CACNG5: variants seen among roughly 807,000 people sequenced by gnomAD.
CACNG5 encodes the protein voltage-dependent calcium channel gamma-5 subunit.
Under a neutral mutation model 24.8 loss-of-function variants are expected in CACNG5, and 18 were observed. That is an observed-to-expected ratio of 0.73 (90% CI 0.50 to 1.08). CACNG5 has a LOEUF of 1.08. Among genes scored for constraint, CACNG5 ranks in the 50% least tolerant of loss-of-function variants. The probability of loss-of-function intolerance (pLI) is 0.00; values close to 1 mark genes in which losing one functional copy is unlikely to be tolerated. For synonymous variants in CACNG5, 157 were observed against 149.1 expected, an observed-to-expected ratio of 1.05 and a Z score of -0.39; for missense variants, 349 against 367.9, an observed-to-expected ratio of 0.95 and a Z score of 0.42.
At chr17:66,874,634 C>T (rs1977050696) in intron 1 of CACNG5, among the ~76,000 whole-genome samples, 1 of 152,174 alleles carries the variant, frequency 6.6e-6, no homozygotes, top group Non-Finnish European at 1.5e-5. Flanking sequence ...GATTCCATGA[C>T]CCCAGACACC....
chr17:66,879,852 C>T (rs1325225905), intron 3 of CACNG5, among the ~76,000 whole-genome samples: 3 of 152,120 alleles, frequency 2.0e-5, no homozygotes, highest in Non-Finnish European at 2.9e-5. Flanking sequence ...ATTGAACTCA[C>T]CCTCTAGCCC....
At chr17:66,862,385 A>G (rs571837107) in intron 1 of CACNG5, among the ~76,000 whole-genome samples, 1 of 151,732 alleles carries the variant, frequency 6.6e-6, no homozygotes, top group African/African-American at 2.4e-5. Context: ...AAGTGTCACA[A>G]TCCAGCTTGT....
chr17:66,877,319 A>T lies in CACNG5; in HGVS notation c.-14A>T. The T allele has an allele frequency of 6.2e-7, 1 of 1,610,162 alleles. No individual in the cohort carries two copies. Among genetic ancestry groups the T allele is most frequent in the Non-Finnish European group, 8.5e-7 (1 of 1,177,246 alleles). On this transcript the variant is annotated 5_prime_UTR_variant, in exon 2 of 6. Transcript: ENST00000533854. ...GGAGCGTGGCGACTAGTTGCACAGC[A>T]ACGGTCCAGGAAGATGAGTGCCTGC...
At chr17:66,875,611 A>C (rs932019126) in intron 1 of CACNG5, among the ~76,000 whole-genome samples, 1 of 152,150 alleles carries the variant, frequency 6.6e-6, no homozygotes, top group Non-Finnish European at 1.5e-5. Flanking sequence ...GTCCATTTTC[A>C]GCTGCCTCAA....
At chr17:66,862,892 C>CTGTGTGTGTGTGTGTGTGTG (rs56308917) in intron 1 of CACNG5, among the ~76,000 whole-genome samples, 3 of 142,170 alleles carry the variant, frequency 2.1e-5, no homozygotes, top group African/African-American at 5.3e-5. Context: ...AGCATATTCT[C>CTGTGTGTGTGTGTGTGTGTG]TGTGTGTGTG....
chr17:66,842,790 C>T (rs1184812009), intron 1 of CACNG5, among the ~76,000 whole-genome samples: 1 of 152,128 alleles, frequency 6.6e-6, no homozygotes, highest in Non-Finnish European at 1.5e-5. Flanking sequence ...GGGCTGGCTA[C>T]GTTGGGTGTT....
intron 1 of CACNG5, among the ~76,000 whole-genome samples, chr17:66,861,025 G>GCACACACA (rs140020871): frequency 3.3e-5 from 5 of 150,312 alleles, no homozygotes; most frequent in South Asian, 2.1e-4. Context: ...GCACATGCAC[G>GCACACACA]CACACACACA....
chr17:66,843,909 G>A (rs936239489), intron 1 of CACNG5, among the ~76,000 whole-genome samples: 22 of 151,510 alleles, frequency 1.5e-4, no homozygotes, highest in Non-Finnish European at 2.5e-4. Context: ...ATTTGTCTCT[G>A]TGCAGTTTGG....
intron 1 of CACNG5, among the ~76,000 whole-genome samples, chr17:66,869,869 G>T (rs988241305): frequency 3.3e-5 from 5 of 152,082 alleles, no homozygotes; most frequent in Non-Finnish European, 7.4e-5. Context: ...GGATCACGAG[G>T]TCAAGAGATT....
At chr17:66,870,798 G>A (rs1976995374) in intron 1 of CACNG5, among the ~76,000 whole-genome samples, 1 of 152,132 alleles carries the variant, frequency 6.6e-6, no homozygotes, top group Admixed American at 6.6e-5. Context: ...GGCTGACCTG[G>A]TGAAACCCCA....
At chr17:66,868,515 G>A (rs761864698) in intron 1 of CACNG5, among the ~76,000 whole-genome samples, 11 of 152,176 alleles carry the variant, frequency 7.2e-5, no homozygotes, top group African/African-American at 1.4e-4. Context: ...AGAGTTTGGT[G>A]GGGTCAGCAG....
intron 1 of CACNG5, among the ~76,000 whole-genome samples, chr17:66,836,439 C>G (rs967756604): frequency 6.6e-6 from 1 of 152,296 alleles, no homozygotes; most frequent in South Asian, 2.1e-4. Context: ...GGGTGTGGGA[C>G]CTTGATTGGC....
intron 1 of CACNG5, among the ~76,000 whole-genome samples, chr17:66,869,454 T>C (rs1976972906): frequency 6.6e-6 from 1 of 152,188 alleles, no homozygotes; most frequent in Non-Finnish European, 1.5e-5. Context: ...ACTTGATAAG[T>C]CTTTCATAAG....
intron 1 of CACNG5, 48 bp downstream of exon 1, chr17:66,835,298 G>C (rs559268662): frequency 2.0e-5 from 3 of 152,508 alleles, no homozygotes; most frequent in Non-Finnish European, 4.4e-5. Flanking sequence ...ATCCTGGGGG[G>C]GTCCCTGGGG....
At chr17:66,866,893 AT>A (rs1182171096) in intron 1 of CACNG5, among the ~76,000 whole-genome samples, 1 of 152,134 alleles carries the variant, frequency 6.6e-6, no homozygotes, top group Non-Finnish European at 1.5e-5. Flanking sequence ...AGTTGATTCC[AT>A]GTCTTTGCTC....
At chr17:66,839,847 A>T (rs930389831) in intron 1 of CACNG5, among the ~76,000 whole-genome samples, 1 of 152,148 alleles carries the variant, frequency 6.6e-6, no homozygotes, top group African/African-American at 2.4e-5. Context: ...CGTGCACTGA[A>T]GTCCTGTCGG....
In CACNG5 at chr17:66,892,435, A is replaced by T. The variant is rs1374329752; in HGVS notation, c.*7195A>T. On this transcript the variant is annotated 3_prime_UTR_variant, in exon 6 of 6. Transcript: ENST00000533854. Reference sequence around the variant, plus strand: ...GCAAGCAGGGATGCAAGCAGGGATGATAAATCCTTAGAAATGATCTCATAG... The same window carrying T: ...GCAAGCAGGGATGCAAGCAGGGATGTTAAATCCTTAGAAATGATCTCATAG... Among the ~76,000 whole-genome samples, 1 of 152,250 alleles carries T rather than the reference A, an allele frequency of 6.6e-6. No homozygotes were observed. The highest frequency in any genetic ancestry group is 2.1e-4 in the South Asian group (1 of 4,832).
chr17:66,885,547 C>A lies in CACNG5; in HGVS notation c.*307C>A. On this transcript the variant is annotated 3_prime_UTR_variant, in exon 6 of 6. Coordinates refer to ENST00000533854, the MANE Select transcript of CACNG5 (RefSeq NM_145811.3). ...CAGCTCCCCCCAAGCCCAGGAGACA[C>A]CGATGTTCCCTTTGTATATTCTTCC... is the stretch of plus-strand genomic sequence containing the variant. 2 of 374,108 alleles carry A rather than the reference C, an allele frequency of 5.3e-6. No homozygotes were observed. Among genetic ancestry groups the A allele is most frequent in the South Asian group, 1.2e-4 (2 of 16,632 alleles). The allele number at this position is 374,108 out of a possible 1,614,324, so 23.2% of individuals were successfully genotyped here. A position where few individuals can be genotyped will look rare whatever the true frequency, so the allele number is the denominator to read the frequency against.
chr17:66,846,369 A>G (rs1375422833), intron 1 of CACNG5, among the ~76,000 whole-genome samples: 3 of 152,166 alleles, frequency 2.0e-5, no homozygotes, highest in African/African-American at 7.2e-5. Context: ...ATCACCCGTG[A>G]AGCAGTCACT....
Sources: gnomAD v4.1 joint callset for allele counts (sites outside exome capture counted in the v4.1 genomes callset) on GRCh38, gnomAD v4.1.1 for gene constraint, MANE v1.5 for transcripts, NCBI Gene and HGNC (gene_info 2026-07-23, HGNC 2026-07-21) for gene names.